Variants in KIF18A observed in about 807,000 individuals in gnomAD.
KIF18A encodes kinesin-like protein KIF18A.
A neutral mutation model predicts 103.3 loss-of-function variants in KIF18A; 67 were observed. The observed-to-expected ratio is 0.65, with a 90% CI of 0.53 to 0.79. The LOEUF is 0.79. Among genes scored for constraint, KIF18A ranks in the 30% least tolerant of loss-of-function variants. The pLI is 0.00. For missense variants in KIF18A, 1,032 were observed against 1,062.5 expected (o/e 0.97, Z 0.40); for synonymous variants, 367 against 355.5 (o/e 1.03, Z -0.36).
At chr11:28,069,202 A>T (rs959852010) in intron 11 of KIF18A, 57 bp downstream of exon 11, 13 of 1,325,072 alleles carry the variant, frequency 9.8e-6, no homozygotes, top group Non-Finnish European at 1.4e-5. Context: ...GAAAAAGAAC[A>T]CATTTTAGGA....
At chr11:28,101,398 A>G (rs1275925287) in intron 1 of KIF18A, among the ~76,000 whole-genome samples, 1 of 152,198 alleles carries the variant, frequency 6.6e-6, no homozygotes, top group African/African-American at 2.4e-5. Context: ...TTCAAAATAA[A>G]CCTTAGAATC....
At chr11:28,106,051 A>C (rs1260780893) in intron 1 of KIF18A, among the ~76,000 whole-genome samples, 1 of 152,210 alleles carries the variant, frequency 6.6e-6, no homozygotes, top group African/African-American at 2.4e-5. Flanking sequence ...TTCACCCCTA[A>C]TTTTATGAAA....
At chr11:28,062,661 G>A in intron 11 of KIF18A, 145 bp from the exon 12 acceptor site, 1 of 622,440 alleles carries the variant, frequency 1.6e-6, no homozygotes, top group East Asian at 3.5e-5. Flanking sequence ...AAAAATAAGA[G>A]TTCTGGAAAA....
At chr11:28,079,335 G>T (rs1012293141) in intron 9 of KIF18A, among the ~76,000 whole-genome samples, 1 of 15,504 alleles carries the variant, frequency 6.4e-5, no homozygotes. Flanking sequence ...CTAACAAAAT[G>T]AAATAACAAC....
At chr11:28,054,067 T>C (rs1242683793) in intron 13 of KIF18A, among the ~76,000 whole-genome samples, 1 of 152,174 alleles carries the variant, frequency 6.6e-6, no homozygotes, top group Non-Finnish European at 1.5e-5. Flanking sequence ...TCTAAGAATT[T>C]ATTGTAGGGA....
At chr11:28,050,559 C>T (rs996466346) in intron 13 of KIF18A, among the ~76,000 whole-genome samples, 1 of 151,706 alleles carries the variant, frequency 6.6e-6, no homozygotes, top group Non-Finnish European at 1.5e-5. Context: ...GACTGGTTCT[C>T]CTAGTATCTT....
intron 12 of KIF18A, among the ~76,000 whole-genome samples, chr11:28,062,061 A>G (rs1850861692): frequency 6.6e-6 from 1 of 152,138 alleles, no homozygotes; most frequent in Non-Finnish European, 1.5e-5. Context: ...GTTAACAGCA[A>G]TTGCTTCTAA....
intron 2 of KIF18A, among the ~76,000 whole-genome samples, chr11:28,096,401 C>T (rs967108718): frequency 6.6e-6 from 1 of 152,018 alleles, no homozygotes; most frequent in African/African-American, 2.4e-5. Context: ...TTACTTTGTT[C>T]TATTTTATGT....
chr11:28,091,149 A>ATACATACATAC (rs1554974427), intron 4 of KIF18A, among the ~76,000 whole-genome samples: 129 of 131,982 alleles, frequency 9.8e-4, no homozygotes, highest in Non-Finnish European at 1.5e-3. Flanking sequence ...TAAATAAATA[A>ATACATACATAC]ATACATACAT....
intron 11 of KIF18A, among the ~76,000 whole-genome samples, chr11:28,068,187 T>C (rs1037040068): frequency 1.3e-5 from 2 of 151,936 alleles, no homozygotes; most frequent in African/African-American, 2.4e-5. Context: ...AACTAAACAC[T>C]GCACGTTCTC....
intron 13 of KIF18A, among the ~76,000 whole-genome samples, chr11:28,046,927 G>T (rs548654670): frequency 6.6e-6 from 1 of 150,544 alleles, no homozygotes; most frequent in Admixed American, 6.6e-5. Context: ...GGTGGTGGGC[G>T]CCTGTAATCC....
chr11:28,100,697 A>C (rs536760522), intron 1 of KIF18A, among the ~76,000 whole-genome samples: 52 of 152,258 alleles, frequency 3.4e-4, no homozygotes, highest in Non-Finnish European at 7.2e-4. Context: ...ACAGAATTCA[A>C]AGGAATCTAA....
intron 15 of KIF18A, among the ~76,000 whole-genome samples, chr11:28,025,731 G>A (rs1408199165): frequency 6.6e-6 from 1 of 151,842 alleles, no homozygotes; most frequent in Non-Finnish European, 1.5e-5. Flanking sequence ...ACTGATGAGC[G>A]CAAGTTCAAA....
chr11:28,049,531 A>G (rs1173971755), intron 13 of KIF18A, among the ~76,000 whole-genome samples: 1 of 152,050 alleles, frequency 6.6e-6, no homozygotes, highest in Non-Finnish European at 1.5e-5. Flanking sequence ...CATGAGTCAT[A>G]GGCTGCAAAG....
At chr11:28,032,461 C>G (rs1282571292) in intron 15 of KIF18A, among the ~76,000 whole-genome samples, 2 of 151,890 alleles carry the variant, frequency 1.3e-5, no homozygotes, top group African/African-American at 2.4e-5. Context: ...TACCTGACTT[C>G]AAATTACACT....
At chr11:28,106,059 A>G (rs528754215) in intron 1 of KIF18A, among the ~76,000 whole-genome samples, 1 of 152,372 alleles carries the variant, frequency 6.6e-6, no homozygotes, top group East Asian at 1.9e-4. Flanking sequence ...TAATTTTATG[A>G]AAGTACTATA....
intron 13 of KIF18A, among the ~76,000 whole-genome samples, chr11:28,041,900 G>A (rs1850565640): frequency 6.6e-6 from 1 of 151,650 alleles, no homozygotes; most frequent in African/African-American, 2.4e-5. Context: ...ATAAAACCAT[G>A]AACCATTTAT....
chr11:28,077,912 G>A (rs990047087), intron 9 of KIF18A, among the ~76,000 whole-genome samples: 24 of 152,102 alleles, frequency 1.6e-4, no homozygotes, highest in African/African-American at 5.8e-4. Flanking sequence ...CAGACTTCAA[G>A]CTGATTAAAT....
chr11:28,039,182 G>GAAAGGCTCTAGA (rs1179382082), intron 13 of KIF18A, among the ~76,000 whole-genome samples: 4 of 151,628 alleles, frequency 2.6e-5, no homozygotes, highest in African/African-American at 9.7e-5. Context: ...AGGGTTCAAA[G>GAAAGGCTCTAGA]AAAGGCTCTA....
Sources: gnomAD v4.1 joint callset for allele counts (sites outside exome capture counted in the v4.1 genomes callset) on GRCh38, gnomAD v4.1.1 for gene constraint, MANE v1.5 for transcripts, NCBI Gene and HGNC (gene_info 2026-07-23, HGNC 2026-07-21) for gene names.